The following FARS2 variants were observed in gnomAD, a reference collection of about 807,000 sequenced individuals.
FARS2 encodes phenylalanyl-tRNA synthetase 2, mitochondrial, also known as phenylalanine--tRNA ligase, mitochondrial.
A neutral mutation model predicts 46.4 loss-of-function variants in FARS2; 40 were observed. That is an observed-to-expected ratio of 0.86 (90% CI 0.67 to 1.12). The LOEUF (loss-of-function observed/expected upper bound fraction) is 1.12, where lower values mean the gene tolerates loss of function less well. Among genes scored for constraint, FARS2 ranks in the 50% most tolerant of loss-of-function variants. The pLI is 0.00. For synonymous variants in FARS2, 234 were observed against 214.9 expected (o/e 1.09, Z -0.78); for missense variants, 513 against 567.9 (o/e 0.90, Z 0.98).
chr6:5,375,853 T>G (rs1759343383), intron 2 of FARS2, among the ~76,000 whole-genome samples: 2 of 152,116 alleles, frequency 1.3e-5, no homozygotes, highest in South Asian at 4.1e-4. Context: ...AAGAAATCTT[T>G]AAAACTTTTG....
Position 5,676,294 on chromosome 6 carries a change from CT to C in FARS2, c.1217+62977del, listed in dbSNP as rs138990412. Among the ~76,000 whole-genome samples, 713 of 152,306 alleles carry C rather than the reference CT, an allele frequency of 4.7e-3. 6 individuals are homozygous for C. The highest frequency in any genetic ancestry group is 0.016 in the African/African-American group (683 of 41,570). On this transcript the variant is annotated intron_variant, in intron 6 of 6. Coordinates refer to ENST00000274680, the MANE Select transcript of FARS2 (RefSeq NM_006567.5). ...ATGATTTCATTTATTTGATTCTTCT[CT>C]TTCCTCCTACATTCTCAGATTAGGC...
At chr6:5,331,356 C>T (rs147075948) in intron 1 of FARS2, among the ~76,000 whole-genome samples, 2 of 152,224 alleles carry the variant, frequency 1.3e-5, no homozygotes, top group Admixed American at 6.5e-5. Flanking sequence ...TAACCGGAGC[C>T]GTGGATCACA....
At chr6:5,289,787 A>G (rs1159398963) in intron 1 of FARS2, among the ~76,000 whole-genome samples, 3 of 152,208 alleles carry the variant, frequency 2.0e-5, no homozygotes, top group African/African-American at 7.2e-5. Context: ...CATCTGCCAC[A>G]TGGAGAAGAG....
chr6:5,459,166 C>T (rs972930982), intron 4 of FARS2, among the ~76,000 whole-genome samples: 1 of 152,102 alleles, frequency 6.6e-6, no homozygotes, highest in East Asian at 1.9e-4. Flanking sequence ...GTGTCTTGGA[C>T]CTGCATTACT....
rs114883211 is a variant in FARS2 at position 5,287,523 on chromosome 6, A to C, written c.-22+25863A>C. 7.1e-3 allele frequency among the ~76,000 whole-genome samples: 1,085 copies of C among 152,204 alleles called. 13 individuals are homozygous for C. The highest frequency in any genetic ancestry group is 0.025 in the African/African-American group (1,033 of 41,498). ...CTTGCTCTCCCGTGTCCCTGAAATTAGCCTGCCCCTGGCCTGGTGCGAGCC... is the reference window on the plus strand; with the variant it reads ...CTTGCTCTCCCGTGTCCCTGAAATTCGCCTGCCCCTGGCCTGGTGCGAGCC... On this transcript the variant is annotated intron_variant, in intron 1 of 6. Transcript: ENST00000274680.
intron 6 of FARS2, among the ~76,000 whole-genome samples, chr6:5,695,570 C>G (rs1313407104): frequency 2.6e-5 from 4 of 152,222 alleles, no homozygotes; most frequent in Non-Finnish European, 5.9e-5. Flanking sequence ...CTTTTATTAT[C>G]CCAATTTTAC....
intron 4 of FARS2, among the ~76,000 whole-genome samples, chr6:5,485,843 T>C (rs962839132): frequency 2.6e-5 from 4 of 152,168 alleles, no homozygotes; most frequent in Non-Finnish European, 5.9e-5. Context: ...CCACTGAGAT[T>C]TCAGTTCCTT....
intron 1 of FARS2, among the ~76,000 whole-genome samples, chr6:5,357,741 G>C (rs1181099739): frequency 6.6e-6 from 1 of 152,238 alleles, no homozygotes; most frequent in African/African-American, 2.4e-5. Context: ...GGGTGGACTG[G>C]AACCAGGTAG....
At chr6:5,437,575 G>T (rs911335866) in intron 4 of FARS2, among the ~76,000 whole-genome samples, 1 of 152,074 alleles carries the variant, frequency 6.6e-6, no homozygotes, top group African/African-American at 2.4e-5. Flanking sequence ...ACGAGGAATT[G>T]TTCCTTTTAT....
At position 5,495,793 on chromosome 6, in the gene FARS2, T is replaced by C. The variant is rs1767427146; in HGVS notation, c.905-49387T>C. Among the ~76,000 whole-genome samples, 3 of 152,226 alleles carry C rather than the reference T, an allele frequency of 2.0e-5. No homozygotes were observed. The South Asian group carries it at 6.2e-4, about 32-fold the overall frequency. On this transcript the variant is annotated intron_variant, in intron 4 of 6. Coordinates refer to ENST00000274680, the MANE Select transcript of FARS2 (RefSeq NM_006567.5). ...AAAGGCAGAGACCATAACAGAACAA[T>C]GTGGACTCTGAGAGACTGGTATTTA...
At chr6:5,553,468 G>C (rs1172649753) in intron 5 of FARS2, among the ~76,000 whole-genome samples, 1 of 152,148 alleles carries the variant, frequency 6.6e-6, no homozygotes, top group African/African-American at 2.4e-5. Flanking sequence ...AGTTGTAGCA[G>C]AGCCATCATC....
chr6:5,692,137 G>A (rs1000239662), intron 6 of FARS2, among the ~76,000 whole-genome samples: 4 of 152,174 alleles, frequency 2.6e-5, no homozygotes, highest in Admixed American at 6.5e-5. Flanking sequence ...TGTGCTTCCC[G>A]GGTGAGGCGA....
chr6:5,681,890 A>G (rs1779050727), intron 6 of FARS2, among the ~76,000 whole-genome samples: 3 of 152,182 alleles, frequency 2.0e-5, no homozygotes. Flanking sequence ...AATAATTTGT[A>G]AAGTGATTTA....
At chr6:5,447,833 G>T (rs767729200) in intron 4 of FARS2, among the ~76,000 whole-genome samples, 8 of 152,208 alleles carry the variant, frequency 5.3e-5, no homozygotes, top group Non-Finnish European at 1.0e-4. Context: ...GGATTGAATG[G>T]TTTGATGAGG....
intron 4 of FARS2, among the ~76,000 whole-genome samples, chr6:5,494,269 A>G (rs2150366987): frequency 6.6e-6 from 1 of 152,254 alleles, no homozygotes; most frequent in African/African-American, 2.4e-5. Flanking sequence ...TTAGAACCAT[A>G]ATACCTTCAA....
At chr6:5,300,600 G>A (rs1466226445) in intron 1 of FARS2, among the ~76,000 whole-genome samples, 1 of 152,014 alleles carries the variant, frequency 6.6e-6, no homozygotes, top group East Asian at 1.9e-4. Flanking sequence ...TGGGGCAGGG[G>A]ACACTGTTGG....
chr6:5,386,179 CATT>C (rs755590863), intron 2 of FARS2, among the ~76,000 whole-genome samples: 5 of 152,058 alleles, frequency 3.3e-5, no homozygotes, highest in Middle Eastern at 3.2e-3. Flanking sequence ...TCAGACAAAA[CATT>C]ATAGTTGTAC....
At chr6:5,459,092 G>A (rs1765082694) in intron 4 of FARS2, among the ~76,000 whole-genome samples, 1 of 152,208 alleles carries the variant, frequency 6.6e-6, no homozygotes, top group African/African-American at 2.4e-5. Flanking sequence ...CAGAACTGAT[G>A]ACACTGGTCC....
chr6:5,292,811 G>A (rs1268224363), intron 1 of FARS2, among the ~76,000 whole-genome samples: 2 of 152,132 alleles, frequency 1.3e-5, no homozygotes, highest in Non-Finnish European at 2.9e-5. Flanking sequence ...GACCAAAAAA[G>A]GATATGTAGT....
Sources: allele counts gnomAD v4.1 joint callset (sites outside exome capture counted in the v4.1 genomes callset), GRCh38; gene constraint gnomAD v4.1.1; transcripts MANE v1.5; gene names NCBI Gene and HGNC (gene_info 2026-07-23, HGNC 2026-07-21).